DNAI3: variants seen among roughly 807,000 people sequenced by gnomAD.
DNAI3 encodes the protein WD repeat domain 63.
Under a neutral mutation model 115.5 loss-of-function variants are expected in DNAI3, and 83 were observed. That is an observed-to-expected ratio of 0.72 (90% CI 0.60 to 0.86). The LOEUF (loss-of-function observed/expected upper bound fraction) is 0.86. DNAI3 is among the 40% of genes least tolerant of loss of function. The pLI is 0.00. For synonymous variants in DNAI3, 320 were observed against 347.0 expected (o/e 0.92, Z 0.86); for missense variants, 1,004 against 1,075.8 (o/e 0.93, Z 0.93).
intron 19 of DNAI3, 60 bp downstream of exon 19, chr1:85,124,311 G>C: frequency 6.2e-7 from 1 of 1,612,750 alleles, no homozygotes; most frequent in South Asian, 1.1e-5. Flanking sequence ...AGAAAGACAA[G>C]AGGAACTGTT....
At chr1:85,081,544 C>A in intron 4 of DNAI3, 129 bp downstream of exon 4, 1 of 731,234 alleles carries the variant, frequency 1.4e-6, no homozygotes, top group South Asian at 3.5e-5. Flanking sequence ...GCTTGCCCAC[C>A]CCTCCTTGGG....
intron 22 of DNAI3, 24 bp from the exon 23 acceptor site, chr1:85,132,831 G>A (rs181234601): frequency 2.0e-6 from 3 of 1,497,208 alleles, no homozygotes; most frequent in East Asian, 2.5e-5. Flanking sequence ...TTATAGGGAT[G>A]TCTTGTTTTT....
At chr1:85,086,416 C>T (rs1221440788) in intron 7 of DNAI3, among the ~76,000 whole-genome samples, 1 of 152,098 alleles carries the variant, frequency 6.6e-6, no homozygotes, top group African/African-American at 2.4e-5. Context: ...TCTTCTTTGG[C>T]TTTCATCACT....
intron 16 of DNAI3, among the ~76,000 whole-genome samples, chr1:85,116,095 T>C (rs1274309226): frequency 6.6e-6 from 1 of 152,222 alleles, no homozygotes; most frequent in Admixed American, 6.5e-5. Flanking sequence ...TGCCATCTAC[T>C]CATGAATGTA....
rs781187636 is a variant in DNAI3 at position 85,117,700 on chromosome 1, T to C, written c.1787-29T>C. 3 of 1,606,318 alleles carry C rather than the reference T, an allele frequency of 1.9e-6. No homozygotes were observed. The South Asian group carries it at 3.3e-5, about 18-fold the overall frequency. On this transcript the variant is annotated intron_variant, in intron 16 of 22. Coordinates refer to ENST00000294664, the MANE Select transcript of DNAI3 (RefSeq NM_145172.5). The stretch of plus-strand genomic sequence containing the variant: ...TAAAAGATGTTTCCCTGTAAATATG[T>C]ACTTCTTCTACCCACACTCCTCTGA...
chr1:85,125,534 G>A (rs199848203), intron 19 of DNAI3, among the ~76,000 whole-genome samples: 1 of 75,692 alleles, frequency 1.3e-5, no homozygotes, highest in Non-Finnish European at 3.5e-5. Context: ...CTGTATGTTT[G>A]ATTTTTTTTT....
chr1:85,089,855 T>A (rs1202587967), intron 7 of DNAI3, among the ~76,000 whole-genome samples: 2 of 152,162 alleles, frequency 1.3e-5, no homozygotes, highest in Non-Finnish European at 2.9e-5. Flanking sequence ...CTTATAACTT[T>A]TCTATAAGTT....
At chr1:85,084,244 C>A (rs1654720527) in intron 5 of DNAI3, among the ~76,000 whole-genome samples, 2 of 61,806 alleles carry the variant, frequency 3.2e-5, no homozygotes, top group African/African-American at 6.0e-5. Context: ...TATATATCAG[C>A]AGTGTGTATA....
chr1:85,084,250 GTATATA>G (rs33956396), intron 5 of DNAI3, among the ~76,000 whole-genome samples: 14,734 of 84,938 alleles, frequency 0.17, 996 homozygotes, highest in Middle Eastern at 0.29. Flanking sequence ...TCAGCAGTGT[GTATATA>G]TATATATATA....
intron 17 of DNAI3, 99 bp from the exon 18 acceptor site, chr1:85,121,651 TG>T: frequency 1.9e-6 from 2 of 1,070,946 alleles, no homozygotes; most frequent in Non-Finnish European, 2.8e-6. Flanking sequence ...CTTGTTGTTT[TG>T]CATTTGTTTT....
chr1:85,086,072 A>G (rs1318156576), intron 7 of DNAI3, 42 bp downstream of exon 7: 1 of 1,539,798 alleles, frequency 6.5e-7, no homozygotes, highest in South Asian at 1.2e-5. Flanking sequence ...AGCCAGTTAC[A>G]GTAAAATCTA....
Position 85,071,945 on chromosome 1 carries a change from G to C in DNAI3, c.4G>C (p.Ala2Pro). The change falls in exon 2 of 23, where the codon GCT becomes CCT. Residue 2 changes from alanine (A) to proline (P), a missense_variant. Ala to Pro is a conservative substitution (Grantham distance 27). Transcript: ENST00000294664. M[A>P]PKQKKKTSRG... ...TTATGCAGCCCAAGTCAGAACCATG[G>C]CTCCAAAACAAAAGAAAAAGACATC... 6.2e-7 allele frequency: 1 copy of C among 1,611,440 alleles called. No individual in the cohort carries two copies. The highest frequency in any genetic ancestry group is 8.5e-7 in the Non-Finnish European group (1 of 1,179,418).
intron 20 of DNAI3, among the ~76,000 whole-genome samples, chr1:85,127,203 C>T (rs894229422): frequency 1.3e-5 from 2 of 152,078 alleles, no homozygotes; most frequent in South Asian, 2.1e-4. Flanking sequence ...AAGCAATTCT[C>T]TTCATAAGAT....
intron 5 of DNAI3, among the ~76,000 whole-genome samples, chr1:85,084,252 A>G (rs12074635): frequency 0.025 from 390 of 15,724 alleles, 3 homozygotes; most frequent in African/African-American, 0.059. Context: ...AGCAGTGTGT[A>G]TATATATATA....
intron 2 of DNAI3, among the ~76,000 whole-genome samples, chr1:85,072,440 G>A (rs1357097840): frequency 6.6e-6 from 1 of 151,820 alleles, no homozygotes; most frequent in South Asian, 2.1e-4. Context: ...TCAGGAGTTC[G>A]AGACCAGCCT....
rs709783 is a variant in DNAI3, at chr1:85,128,783, G to A, written c.2393G>A (p.Arg798His). 263,580 of 1,610,708 alleles carry A rather than the reference G, an allele frequency of 0.16. 23,486 individuals are homozygous for A. The highest frequency in any genetic ancestry group is 0.31 in the African/African-American group (23,076 of 74,774). The change falls in exon 21 of 23, where the codon CGC becomes CAC. Residue 798 changes from arginine to histidine, a missense_variant. Coordinates refer to ENST00000294664, the MANE Select transcript of DNAI3 (RefSeq NM_145172.5). The stretch of plus-strand genomic sequence containing the variant: ...TTAGAAATTCCTTGGACATTAAGTC[G>A]CCCTTCCACCAATGAGGTTAGTAAC... ...HILEIPWTLSRPSTNEMASVN... is the reference protein window; with the variant it reads ...HILEIPWTLSHPSTNEMASVN...
chr1:85,118,825 G>A (rs943722057), intron 17 of DNAI3, among the ~76,000 whole-genome samples: 1 of 151,990 alleles, frequency 6.6e-6, no homozygotes, highest in African/African-American at 2.4e-5. Flanking sequence ...CCCACAGGCT[G>A]CTTGGATGTT....
intron 2 of DNAI3, among the ~76,000 whole-genome samples, chr1:85,072,369 C>T (rs1041580971): frequency 6.6e-6 from 1 of 152,154 alleles, no homozygotes; most frequent in Non-Finnish European, 1.5e-5. Context: ...ACTGGCTGGG[C>T]GCGGTGGTTC....
At position 85,130,052 on chromosome 1, in the gene DNAI3, CA is replaced by C; in HGVS notation, c.2479del (p.Ile827PhefsTer11). On this transcript the variant is annotated frameshift_variant, in exon 22 of 23. Transcript: ENST00000294664. LOFTEE classifies it high-confidence loss of function. ...AGCATCTGGAATACGTAGAACAGCGCAAAAAAATTCGTGAGCAAGAAAAGAA... is the reference window on the plus strand; with the variant it reads ...AGCATCTGGAATACGTAGAACAGCGCAAAAAATTCGTGAGCAAGAAAAGAA... ...VKHLEYVEQR[K>X]KIREQEKKEM... 2 of 1,612,886 alleles carry C rather than the reference CA, an allele frequency of 1.2e-6. No individual in the cohort carries two copies. Among genetic ancestry groups the C allele is most frequent in the Non-Finnish European group, 1.7e-6 (2 of 1,179,594 alleles).
Sources: gnomAD v4.1 joint callset for allele counts (sites outside exome capture counted in the v4.1 genomes callset) on GRCh38, gnomAD v4.1.1 for gene constraint, MANE v1.5 for transcripts, NCBI Gene and HGNC (gene_info 2026-07-23, HGNC 2026-07-21) for gene names.